EIPR1: variants seen among roughly 807,000 people sequenced by gnomAD.
EIPR1 encodes the protein EARP complex and GARP complex interacting protein 1.
EIPR1 carries 25 observed loss-of-function variants against 48.1 expected under a neutral mutation model. The ratio of observed to expected loss-of-function variants is 0.52; its 90% CI spans 0.38 to 0.73. EIPR1 has a LOEUF of 0.73. Among genes scored for constraint, EIPR1 ranks in the 30% least tolerant of loss-of-function variants. EIPR1 has a pLI of 0.00. For synonymous variants in EIPR1, 204 were observed against 201.9 expected, an observed-to-expected ratio of 1.01 and a Z score of -0.09; for missense variants, 415 against 506.2, an observed-to-expected ratio of 0.82 and a Z score of 1.73.
intron 3 of EIPR1, among the ~76,000 whole-genome samples, chr2:3,287,128 C>A (rs1230869666): frequency 2.6e-5 from 4 of 152,250 alleles, no homozygotes; most frequent in Non-Finnish European, 5.9e-5. Flanking sequence ...CAGCACCAAG[C>A]TCGTTCACCA....
intron 3 of EIPR1, among the ~76,000 whole-genome samples, chr2:3,317,216 G>A (rs1669335388): frequency 6.6e-6 from 1 of 151,848 alleles, no homozygotes; most frequent in African/African-American, 2.4e-5. Context: ...CAGAGACCCA[G>A]GAGCACATGA....
chr2:3,235,224 G>A (rs1666362567), intron 4 of EIPR1, among the ~76,000 whole-genome samples: 1 of 152,228 alleles, frequency 6.6e-6, no homozygotes, highest in African/African-American at 2.4e-5. Context: ...AGCCAGATGA[G>A]TGCTACAAAT....
chr2:3,302,737 G>C (rs988942740), intron 3 of EIPR1, among the ~76,000 whole-genome samples: 1 of 152,256 alleles, frequency 6.6e-6, no homozygotes, highest in African/African-American at 2.4e-5. Flanking sequence ...CTGTCACTCT[G>C]GGTGAACTGC....
At chr2:3,228,345 T>C in intron 4 of EIPR1, among the ~76,000 whole-genome samples, 1 of 152,276 alleles carries the variant, frequency 6.6e-6, no homozygotes, top group Admixed American at 6.5e-5. Context: ...CTGGGGCCTG[T>C]AGCCCCTTTG....
intron 3 of EIPR1, among the ~76,000 whole-genome samples, chr2:3,291,849 A>T (rs543048734): frequency 6.6e-6 from 1 of 152,400 alleles, no homozygotes; most frequent in South Asian, 2.1e-4. Flanking sequence ...AATGTTATGT[A>T]AAGGTAAGTT....
intron 4 of EIPR1, among the ~76,000 whole-genome samples, chr2:3,227,688 G>A (rs968253552): frequency 6.6e-6 from 1 of 152,234 alleles, no homozygotes; most frequent in African/African-American, 2.4e-5. Flanking sequence ...AGGCCCAGAG[G>A]CCTAAGAGAA....
chr2:3,193,921 T>C (rs1208530306), intron 7 of EIPR1, 78 bp downstream of exon 7: 14 of 1,528,724 alleles, frequency 9.2e-6, no homozygotes, highest in South Asian at 1.2e-5. Context: ...CTGGTTTGTG[T>C]CTTTCCCAAT....
rs565135196 is a variant in EIPR1 at position 3,287,588 on chromosome 2, G to A, written c.260-30133C>T. Among the ~76,000 whole-genome samples, 50 of 127,866 alleles carry A rather than the reference G, an allele frequency of 3.9e-4. 2 individuals are homozygous for A. The South Asian group carries it at 9.5e-3, about 24-fold the overall frequency. The allele number at this position is 127,866 out of a possible 152,430, so 83.9% of individuals were successfully genotyped here. A position where few individuals can be genotyped will look rare whatever the true frequency, so the allele number is the denominator to read the frequency against. On this transcript the variant is annotated intron_variant, in intron 3 of 8. Transcript: ENST00000382125. ...GCGTTCACCACGCTCCAGAAAGCAC[G>A]TTCACCATGCTCCAGAAAGTTCATT...
At chr2:3,368,143 T>C (rs1210138727) in intron 1 of EIPR1, among the ~76,000 whole-genome samples, 3 of 152,214 alleles carry the variant, frequency 2.0e-5, no homozygotes, top group Admixed American at 6.5e-5. Flanking sequence ...GCCTGGTCCA[T>C]CTGTCCCTCA....
intron 3 of EIPR1, among the ~76,000 whole-genome samples, chr2:3,315,054 C>G (rs1270343024): frequency 6.7e-6 from 1 of 148,544 alleles, no homozygotes; most frequent in Non-Finnish European, 1.5e-5. Flanking sequence ...CACCCGCCCC[C>G]AACACCTGTA....
chr2:3,353,354 T>C (rs964123741), intron 2 of EIPR1: 3 of 469,150 alleles, frequency 6.4e-6, no homozygotes, highest in African/African-American at 4.0e-5. Flanking sequence ...GCACTTTGCT[T>C]TTTTACACCA....
intron 3 of EIPR1, among the ~76,000 whole-genome samples, chr2:3,324,413 G>A (rs1484232282): frequency 1.3e-5 from 2 of 152,210 alleles, no homozygotes; most frequent in East Asian, 1.9e-4. Context: ...AGACAGTGTC[G>A]CTCCGTGTGC....
chr2:3,254,520 C>T (rs759452144), intron 4 of EIPR1, among the ~76,000 whole-genome samples: 21 of 152,196 alleles, frequency 1.4e-4, no homozygotes, highest in Non-Finnish European at 1.9e-4. Flanking sequence ...CTGACCAGCA[C>T]GCATGGTGGC....
rs146299875 is a variant in EIPR1 at position 3,343,305 on chromosome 2, T to C, written c.127-5156A>G. Among the ~76,000 whole-genome samples the C allele has an allele frequency of 1.8e-4, 27 of 152,324 alleles. No individual in the cohort carries two copies. In the East Asian group the frequency reaches 4.8e-3, roughly 27 times the overall value. ...ACCCTACACCCAGCTCACCTGAAAG[T>C]ATAAACAACTGTTTTGTTGAATAAA... is the stretch of plus-strand genomic sequence containing the variant. On this transcript the variant is annotated intron_variant, in intron 2 of 8. Transcript: ENST00000382125.
At chr2:3,242,553 T>C (rs2694098) in intron 4 of EIPR1, among the ~76,000 whole-genome samples, 134,223 of 146,204 alleles carry the variant, frequency 0.92, 62,065 homozygotes, top group East Asian at 0.97. Context: ...TTCAGGCCCC[T>C]GACTCCACAC....
At chr2:3,292,497 C>T (rs1268582900) in intron 3 of EIPR1, among the ~76,000 whole-genome samples, 1 of 152,072 alleles carries the variant, frequency 6.6e-6, no homozygotes, top group Non-Finnish European at 1.5e-5. Flanking sequence ...GCCGGCTCTG[C>T]GCACCTCACA....
At chr2:3,284,188 C>A (rs1351967305) in intron 3 of EIPR1, among the ~76,000 whole-genome samples, 19 of 144,396 alleles carry the variant, frequency 1.3e-4, no homozygotes, top group African/African-American at 4.7e-4. Flanking sequence ...CACGGCTGCA[C>A]GTAAGCTGGG....
intron 3 of EIPR1, among the ~76,000 whole-genome samples, chr2:3,305,151 C>T (rs55805493): frequency 2.1e-5 from 3 of 146,292 alleles, no homozygotes; most frequent in Non-Finnish European, 4.5e-5. Flanking sequence ...TCAGTTCAGC[C>T]CTCCACTCCC....
At chr2:3,328,411 G>A (rs1669765692) in intron 3 of EIPR1, among the ~76,000 whole-genome samples, 1 of 148,238 alleles carries the variant, frequency 6.7e-6, no homozygotes, top group Admixed American at 6.7e-5. Flanking sequence ...CTGAATCAGA[G>A]CCCATCCACC....
Sources: allele counts gnomAD v4.1 joint callset (sites outside exome capture counted in the v4.1 genomes callset), GRCh38; gene constraint gnomAD v4.1.1; transcripts MANE v1.5; gene names NCBI Gene and HGNC (gene_info 2026-07-23, HGNC 2026-07-21).